MAP2K1: variants seen among roughly 807,000 people sequenced by gnomAD.
The protein encoded by MAP2K1 is dual specificity mitogen-activated protein kinase kinase 1.
Under a neutral mutation model 46.3 loss-of-function variants are expected in MAP2K1, and 16 were observed. The ratio of observed to expected loss-of-function variants is 0.35; its 90% CI spans 0.23 to 0.52. MAP2K1 has a LOEUF of 0.52. Among genes scored for constraint, MAP2K1 ranks in the 20% least tolerant of loss-of-function variants. MAP2K1 has a pLI of 0.94. For missense variants in MAP2K1, 263 were observed against 497.1 expected (o/e 0.53, Z 4.48); for synonymous variants, 183 against 185.6 (o/e 0.99, Z 0.11).
intron 1 of MAP2K1, among the ~76,000 whole-genome samples, chr15:66,406,626 G>A (rs1267912172): frequency 1.3e-5 from 2 of 152,218 alleles, no homozygotes; most frequent in Admixed American, 1.3e-4. Flanking sequence ...ATGTGCATGA[G>A]TATGCTCAGA....
rs181623418 is a variant in MAP2K1 at position 66,445,632 on chromosome 15, C to T, written c.568+925C>T. Among the ~76,000 whole-genome samples the T allele has an allele frequency of 4.2e-3, 640 of 152,292 alleles. 3 individuals carry two copies. Among genetic ancestry groups the T allele is most frequent in the Middle Eastern group, 6.8e-3 (2 of 294 alleles). On this transcript the variant is annotated intron_variant, in intron 5 of 10. Transcript: ENST00000307102. ...TGTAGTATATCTATACAACAGAATA[C>T]TCTTCAACAATAAAAATGAAAAGAC...
At chr15:66,393,766 T>C (rs2093361875) in intron 1 of MAP2K1, among the ~76,000 whole-genome samples, 1 of 152,218 alleles carries the variant, frequency 6.6e-6, no homozygotes, top group South Asian at 2.1e-4. Context: ...CACATTCTTA[T>C]CTTAGAATCT....
intron 1 of MAP2K1, among the ~76,000 whole-genome samples, chr15:66,405,052 AC>A (rs1337908150): frequency 6.6e-6 from 1 of 152,222 alleles, no homozygotes; most frequent in Non-Finnish European, 1.5e-5. Flanking sequence ...ATGAAGGCCT[AC>A]CTCATCTCTT....
intron 1 of MAP2K1, among the ~76,000 whole-genome samples, chr15:66,411,211 T>C (rs1393338350): frequency 1.3e-5 from 2 of 152,086 alleles, no homozygotes; most frequent in African/African-American, 4.8e-5. Context: ...GTGCTTAATA[T>C]GGGGCCTGGC....
chr15:66,466,887 T>C (rs991580673), intron 5 of MAP2K1, among the ~76,000 whole-genome samples: 1 of 152,198 alleles, frequency 6.6e-6, no homozygotes, highest in Non-Finnish European at 1.5e-5. Flanking sequence ...TGAAAGTTTT[T>C]CCTCTGTTTT....
intron 1 of MAP2K1, among the ~76,000 whole-genome samples, chr15:66,406,555 G>A (rs2093397287): frequency 6.6e-6 from 1 of 152,184 alleles, no homozygotes; most frequent in Non-Finnish European, 1.5e-5. Context: ...GTTTAGAAAA[G>A]TTGTCTATCA....
intron 10 of MAP2K1, 82 bp downstream of exon 10, chr15:66,489,845 G>T: frequency 8.3e-7 from 1 of 1,207,508 alleles, no homozygotes; most frequent in Non-Finnish European, 1.2e-6. Flanking sequence ...AGTACTTCCA[G>T]AGCCCATTCA....
chr15:66,389,155 C>T (rs1431533028), intron 1 of MAP2K1, among the ~76,000 whole-genome samples: 5 of 151,730 alleles, frequency 3.3e-5, no homozygotes, highest in Non-Finnish European at 7.4e-5. Flanking sequence ...ATCCACCTGC[C>T]TCGGCCTCCG....
chr15:66,454,142 C>A (rs968757286), intron 5 of MAP2K1, among the ~76,000 whole-genome samples: 1 of 152,200 alleles, frequency 6.6e-6, no homozygotes, highest in Non-Finnish European at 1.5e-5. Context: ...GTAAACCCTA[C>A]TACTTAAGTA....
chr15:66,459,686 G>A (rs559445074), intron 5 of MAP2K1, among the ~76,000 whole-genome samples: 2 of 152,022 alleles, frequency 1.3e-5, no homozygotes, highest in East Asian at 1.9e-4. Flanking sequence ...AGTGTCTCAC[G>A]GTGTCCCAGT....
intron 5 of MAP2K1, among the ~76,000 whole-genome samples, chr15:66,457,637 G>C (rs1892200709): frequency 6.6e-6 from 1 of 152,058 alleles, no homozygotes; most frequent in Admixed American, 6.6e-5. Flanking sequence ...AGAATCCCTT[G>C]ACAGAAGCTT....
At chr15:66,415,143 C>T (rs965899859) in intron 1 of MAP2K1, 3 of 525,480 alleles carry the variant, frequency 5.7e-6, no homozygotes, top group East Asian at 1.1e-4. Flanking sequence ...AGCTTGGCAG[C>T]TCCCCTAGTT....
At chr15:66,423,374 A>C (rs2093448354) in intron 1 of MAP2K1, among the ~76,000 whole-genome samples, 1 of 151,354 alleles carries the variant, frequency 6.6e-6, no homozygotes, top group Non-Finnish European at 1.5e-5. Context: ...TTTATAGCTT[A>C]TCTCTTGATA....
intron 10 of MAP2K1, 145 bp downstream of exon 10, chr15:66,489,908 C>G (rs919052153): frequency 1.3e-6 from 1 of 779,736 alleles, no homozygotes. Context: ...TACCAAACAC[C>G]AGTCTCCTTT....
rs903788761 is a variant in MAP2K1 at position 66,421,554 on chromosome 15, A to G, written c.81-13473A>G. On this transcript the variant is annotated intron_variant, in intron 1 of 10. Coordinates refer to ENST00000307102, the MANE Select transcript of MAP2K1 (RefSeq NM_002755.4). ...AGTGGTTCACGCCTGTAATCTCAGC[A>G]CTTTGGGAGGCCGAGGTGGGCAGAT... Among the ~76,000 whole-genome samples the G allele has an allele frequency of 3.3e-5, 5 of 151,546 alleles. No individual in the cohort carries two copies. In the East Asian group the frequency reaches 9.6e-4, roughly 29 times the overall value.
chr15:66,392,279 TAAGAAAGG>T (rs1566993430), intron 1 of MAP2K1, among the ~76,000 whole-genome samples: 8 of 133,406 alleles, frequency 6.0e-5, no homozygotes, highest in East Asian at 2.1e-4. Flanking sequence ...TTTTTTTTTT[TAAGAAAGG>T]GTTTCGCTCC....
chr15:66,474,372 G>C (rs573790561), intron 5 of MAP2K1, among the ~76,000 whole-genome samples: 4 of 152,292 alleles, frequency 2.6e-5, no homozygotes, highest in African/African-American at 9.6e-5. Flanking sequence ...AGTTGGCCTT[G>C]TCAAGAAGGA....
chr15:66,443,234 A>C (rs1250039665), intron 3 of MAP2K1, 46 bp from the exon 4 acceptor site: 10 of 1,227,268 alleles, frequency 8.1e-6, no homozygotes, highest in South Asian at 1.2e-5. Context: ...ACTTGAAAGA[A>C]TAGTTAGAAC....
chr15:66,410,535 A>G (rs1566999143), intron 1 of MAP2K1, among the ~76,000 whole-genome samples: 1 of 152,258 alleles, frequency 6.6e-6, no homozygotes, highest in Non-Finnish European at 1.5e-5. Context: ...TAAAATCACC[A>G]TATTTTTGAT....
Sources: gnomAD v4.1 joint callset for allele counts (sites outside exome capture counted in the v4.1 genomes callset) on GRCh38, gnomAD v4.1.1 for gene constraint, MANE v1.5 for transcripts, NCBI Gene and HGNC (gene_info 2026-07-23, HGNC 2026-07-21) for gene names.